CDKN3: variants seen among roughly 807,000 people sequenced by gnomAD.
CDKN3 encodes the protein cyclin dependent kinase inhibitor 3.
CDKN3 carries 19 observed loss-of-function variants against 36.1 expected under a neutral mutation model. The observed-to-expected ratio is 0.53, with a 90% CI of 0.37 to 0.77. The LOEUF (loss-of-function observed/expected upper bound fraction) is 0.77. Ranked by LOEUF, CDKN3 falls within the 30% of genes least tolerant of loss-of-function variation. The pLI, the probability that CDKN3 is intolerant of heterozygous loss-of-function variation, is 0.00. For missense variants in CDKN3, 188 were observed against 248.6 expected (o/e 0.76, Z 1.64); for synonymous variants, 71 against 85.3 (o/e 0.83, Z 0.92).
chr14:54,419,237 G>A (rs1207127406), intron 7 of CDKN3, among the ~76,000 whole-genome samples: 1 of 151,894 alleles, frequency 6.6e-6, no homozygotes, highest in Admixed American at 6.6e-5. Context: ...ACATGGCCAT[G>A]GCCAGATGTA....
chr14:54,408,338 C>T (rs920362779), intron 3 of CDKN3, among the ~76,000 whole-genome samples: 1 of 152,208 alleles, frequency 6.6e-6, no homozygotes, highest in Non-Finnish European at 1.5e-5. Context: ...AAGTAAATTT[C>T]ACAGACCATC....
chr14:54,410,846 A>G (rs2030323762), intron 4 of CDKN3, among the ~76,000 whole-genome samples: 1 of 152,182 alleles, frequency 6.6e-6, no homozygotes, highest in Non-Finnish European at 1.5e-5. Flanking sequence ...TTTTTCTCAC[A>G]AAATCAACCA....
chr14:54,397,126 A>G (rs1382426631), intron 1 of CDKN3, 49 bp downstream of exon 1: 19 of 1,456,550 alleles, frequency 1.3e-5, no homozygotes, highest in Non-Finnish European at 1.7e-5. Flanking sequence ...CAGGGACGCA[A>G]GCGGTCCCGG....
chr14:54,418,257 T>C (rs1387680706), intron 7 of CDKN3: 2 of 702,356 alleles, frequency 2.8e-6, no homozygotes, highest in African/African-American at 1.7e-5. Context: ...GTTTTGGGAA[T>C]GGATCCTCTC....
intron 4 of CDKN3, among the ~76,000 whole-genome samples, chr14:54,409,839 C>T (rs1284093327): frequency 6.7e-6 from 1 of 149,516 alleles, no homozygotes; most frequent in African/African-American, 2.5e-5. Flanking sequence ...GTGCAATGAG[C>T]TGAGATTGCA....
At chr14:54,411,330 A>G in intron 4 of CDKN3, 154 bp from the exon 5 acceptor site, 1 of 611,882 alleles carries the variant, frequency 1.6e-6, no homozygotes. Context: ...ACCCCTTTTG[A>G]TTCAGACATA....
intron 6 of CDKN3, among the ~76,000 whole-genome samples, chr14:54,416,312 T>C (rs932277859): frequency 1.1e-4 from 16 of 152,094 alleles, no homozygotes; most frequent in African/African-American, 3.9e-4. Flanking sequence ...TTTAATGTAC[T>C]AAGAAAAACA....
chr14:54,398,015 C>G (rs1886366275), intron 1 of CDKN3, among the ~76,000 whole-genome samples: 1 of 152,202 alleles, frequency 6.6e-6, no homozygotes, highest in Non-Finnish European at 1.5e-5. Flanking sequence ...CCTGTAGTCC[C>G]AGCTACTCGG....
In CDKN3 at chr14:54,397,067, C is replaced by T. The variant is rs1886327352; in HGVS notation, c.-2C>T. On this transcript the variant is annotated 5_prime_UTR_variant, in exon 1 of 8. Transcript: ENST00000335183. ...ACTGGTCTCGACGTGGGGCGGCCAG[C>T]GATGAAGCCGGTGAGTCGGACGTGC... The T allele has an allele frequency of 4.0e-6, 6 of 1,499,642 alleles. No homozygotes were observed. Among genetic ancestry groups the T allele is most frequent in the East Asian group, 2.8e-5 (1 of 36,216 alleles). 92.9% of individuals were successfully genotyped at this position (1,499,642 alleles called of 1,614,324 possible).
At chr14:54,417,789 T>G in intron 6 of CDKN3, 59 bp from the exon 7 acceptor site, 2 of 899,180 alleles carry the variant, frequency 2.2e-6, no homozygotes, top group Non-Finnish European at 1.8e-6. Context: ...AAATATAAAA[T>G]GCTGTACCCT....
intron 3 of CDKN3, among the ~76,000 whole-genome samples, chr14:54,405,489 G>A (rs2030122724): frequency 6.6e-6 from 1 of 152,134 alleles, no homozygotes; most frequent in African/African-American, 2.4e-5. Context: ...CTCTTTGTAG[G>A]TCTCTAAGAA....
intron 5 of CDKN3, chr14:54,413,560 C>T: frequency 7.6e-7 from 1 of 1,319,896 alleles, no homozygotes; most frequent in Non-Finnish European, 1.1e-6. Flanking sequence ...GTTTCAGTCT[C>T]CCATAAAATA....
intron 1 of CDKN3, among the ~76,000 whole-genome samples, chr14:54,399,350 C>A (rs1050331384): frequency 1.4e-4 from 22 of 152,174 alleles, no homozygotes; most frequent in African/African-American, 5.3e-4. Context: ...CTCTGTGAAG[C>A]CTTCTCCAGC....
At chr14:54,401,663 G>C in intron 3 of CDKN3, 84 bp downstream of exon 3, 3 of 985,628 alleles carry the variant, frequency 3.0e-6, no homozygotes, top group Non-Finnish European at 4.5e-6. Flanking sequence ...GGGGGGACAG[G>C]TGGTGTTTGG....
At chr14:54,411,277 C>A in intron 4 of CDKN3, 1 of 457,862 alleles carries the variant, frequency 2.2e-6, no homozygotes. Context: ...TTTTGAAATT[C>A]AGTAAAAGGC....
chr14:54,420,003 T>C lies in CDKN3; in HGVS notation c.564T>C (p.Tyr188=). 1 of 1,601,402 alleles carries C rather than the reference T, an allele frequency of 6.2e-7. No individual in the cohort carries two copies. Among genetic ancestry groups the C allele is most frequent in the Non-Finnish European group, 8.6e-7 (1 of 1,168,778 alleles). ...GAIQTIKQYN[Y]LHEFRDKLAA... Reference sequence around the variant, plus strand: ...TTTACTTTTTTCAGCAATACAATTATCTTCATGAGTTTCGGGACAAATTAG... The same window carrying C: ...TTTACTTTTTTCAGCAATACAATTACCTTCATGAGTTTCGGGACAAATTAG... The change falls in exon 8 of 8, where the codon TAT becomes TAC. Residue 188 remains tyrosine (Y), a synonymous_variant. Coordinates refer to ENST00000335183, the MANE Select transcript of CDKN3 (RefSeq NM_005192.4).
intron 7 of CDKN3, among the ~76,000 whole-genome samples, chr14:54,418,842 C>T (rs569524498): frequency 1.9e-4 from 29 of 149,620 alleles, no homozygotes; most frequent in Non-Finnish European, 3.5e-4. Context: ...AGGTCTGAAA[C>T]AGACAACTCT....
At chr14:54,418,207 T>A in intron 7 of CDKN3, 1 of 702,506 alleles carries the variant, frequency 1.4e-6, no homozygotes, top group Non-Finnish European at 2.6e-6. Flanking sequence ...CTGGTTTACT[T>A]TTCCAGGATC....
chr14:54,398,987 CTT>C (rs113342693), intron 1 of CDKN3, among the ~76,000 whole-genome samples: 10 of 109,268 alleles, frequency 9.2e-5, no homozygotes, highest in South Asian at 3.0e-4. Flanking sequence ...TTTCTTCTTC[CTT>C]TTTTTTTTTT....
Sources: allele counts gnomAD v4.1 joint callset (sites outside exome capture counted in the v4.1 genomes callset), GRCh38; gene constraint gnomAD v4.1.1; transcripts MANE v1.5; gene names NCBI Gene and HGNC (gene_info 2026-07-23, HGNC 2026-07-21).